Variants in TRPM3 observed in about 807,000 individuals in gnomAD.
TRPM3 encodes long transient receptor potential channel 3.
TRPM3 carries 77 observed loss-of-function variants against 181.2 expected under a neutral mutation model. The ratio of observed to expected loss-of-function variants is 0.42; its 90% confidence interval spans 0.35 to 0.51. The LOEUF (loss-of-function observed/expected upper bound fraction) is 0.51. Among genes scored for constraint, TRPM3 ranks in the 20% least tolerant of loss-of-function variants. The pLI is 0.01. For synonymous variants in TRPM3, 745 were observed against 796.4 expected, an observed-to-expected ratio of 0.94 and a Z score of 1.09; for missense variants, 1,759 against 2,196.7, an observed-to-expected ratio of 0.80 and a Z score of 3.98.
intron 9 of TRPM3, among the ~76,000 whole-genome samples, chr9:70,680,618 A>G (rs560287706): frequency 6.6e-6 from 1 of 152,358 alleles, no homozygotes; most frequent in African/African-American, 2.4e-5. Flanking sequence ...GTGACCAACC[A>G]TGACTCTACA....
At position 71,441,701 on chromosome 9, in the gene TRPM3, C is replaced by T. The variant is rs549160378; in HGVS notation, c.183+4952G>A. On this transcript the variant is annotated intron_variant, in intron 1 of 24. Coordinates refer to the TRPM3 transcript ENST00000357533. ...AAACTGGAGTGCAAAGGCATGATCT[C>T]GGCTCACTGCAACCTCTGCCTCCAG... Among the ~76,000 whole-genome samples, 4 of 148,168 alleles carry T rather than the reference C, an allele frequency of 2.7e-5. No homozygotes were observed. In the East Asian group the frequency reaches 6.0e-4, roughly 22 times the overall value.
intron 1 of TRPM3, among the ~76,000 whole-genome samples, chr9:71,368,887 A>C (rs1194564735): frequency 1.3e-5 from 2 of 152,218 alleles, no homozygotes; most frequent in African/African-American, 4.8e-5. Flanking sequence ...TATTAAGTAG[A>C]AAGGAAATGT....
intron 1 of TRPM3, among the ~76,000 whole-genome samples, chr9:71,277,815 T>A (rs767550297): frequency 6.6e-6 from 1 of 152,198 alleles, no homozygotes; most frequent in African/African-American, 2.4e-5. Flanking sequence ...GTAATCCACA[T>A]ACACATGAAA....
chr9:71,268,556 G>T (rs2132113747), intron 1 of TRPM3, among the ~76,000 whole-genome samples: 1 of 152,230 alleles, frequency 6.6e-6, no homozygotes, highest in Admixed American at 6.5e-5. Context: ...TGGGCACGGT[G>T]GCTCACGCCT....
At chr9:70,895,418 C>T (rs1238151683) in intron 1 of TRPM3, among the ~76,000 whole-genome samples, 6 of 152,254 alleles carry the variant, frequency 3.9e-5, no homozygotes, top group East Asian at 1.9e-4. Flanking sequence ...AATAAAACTA[C>T]GTAACATCTG....
intron 1 of TRPM3, among the ~76,000 whole-genome samples, chr9:71,341,460 T>C (rs1041293621): frequency 1.3e-5 from 2 of 152,108 alleles, no homozygotes; most frequent in Non-Finnish European, 2.9e-5. Context: ...TTTCCGATAA[T>C]GCACCACCTC....
chr9:70,607,188 G>C (rs1283730556), intron 19 of TRPM3, among the ~76,000 whole-genome samples: 1 of 152,180 alleles, frequency 6.6e-6, no homozygotes, highest in African/African-American at 2.4e-5. Flanking sequence ...CAGAAGTGAG[G>C]TTATATGGAA....
intron 1 of TRPM3, among the ~76,000 whole-genome samples, chr9:71,227,647 A>G (rs1419460016): frequency 6.6e-6 from 1 of 152,128 alleles, no homozygotes. Context: ...GAAATGAAAA[A>G]AAGAGACATT....
chr9:71,192,538 G>T (rs986671430), intron 1 of TRPM3, among the ~76,000 whole-genome samples: 2 of 151,786 alleles, frequency 1.3e-5, no homozygotes, highest in African/African-American at 2.4e-5. Flanking sequence ...TCACATACTT[G>T]TTGGCTATTT....
At chr9:70,632,458 T>C (rs2066043379) in intron 12 of TRPM3, among the ~76,000 whole-genome samples, 1 of 152,230 alleles carries the variant, frequency 6.6e-6, no homozygotes, top group Non-Finnish European at 1.5e-5. Flanking sequence ...ATCAGATACT[T>C]ACCTTAGTCC....
At chr9:70,914,654 C>T (rs1189890536) in intron 1 of TRPM3, among the ~76,000 whole-genome samples, 1 of 152,166 alleles carries the variant, frequency 6.6e-6, no homozygotes, top group Non-Finnish European at 1.5e-5. Context: ...AGACTCAGTG[C>T]TGAATGGGCT....
chr9:71,439,698 A>G (rs567721399), intron 1 of TRPM3, among the ~76,000 whole-genome samples: 82 of 152,304 alleles, frequency 5.4e-4, no homozygotes, highest in African/African-American at 1.9e-3. Flanking sequence ...TTTATTTCAA[A>G]AAAATATGAA....
rs1172610353 is a variant in TRPM3, at chr9:70,529,291, C to T, written c.*6662G>A. 1 of 152,084 alleles carries T rather than the reference C, an allele frequency of 6.6e-6. No individual in the cohort carries two copies. The highest frequency in any genetic ancestry group is 1.5e-5 in the Non-Finnish European group (1 of 68,018). 9.4% of individuals were successfully genotyped at this position (152,084 alleles called of 1,614,324 possible). On this transcript the variant is annotated 3_prime_UTR_variant, in exon 26 of 26. Transcript: ENST00000677713. ...ATATGCATACCGTGGTCCATCCATA[C>T]ACAAAGAAGGAAAAGATGTATATAT...
At chr9:70,835,432 C>A (rs2094250680) in intron 5 of TRPM3, among the ~76,000 whole-genome samples, 1 of 151,918 alleles carries the variant, frequency 6.6e-6, no homozygotes, top group Admixed American at 6.6e-5. Context: ...CTGGTGGATG[C>A]ATCATAGTTT....
chr9:70,744,895 A>C (rs2074867669), intron 8 of TRPM3, among the ~76,000 whole-genome samples: 1 of 152,202 alleles, frequency 6.6e-6, no homozygotes, highest in African/African-American at 2.4e-5. Flanking sequence ...CAGGATTTGC[A>C]GAAAGATGCT....
chr9:70,633,192 GGA>G (rs1163616242), intron 12 of TRPM3, among the ~76,000 whole-genome samples: 1 of 152,160 alleles, frequency 6.6e-6, no homozygotes, highest in Non-Finnish European at 1.5e-5. Context: ...TTAAGGTGAA[GGA>G]GAGAATACTC....
chr9:71,036,215 A>G (rs1201385794), intron 1 of TRPM3, among the ~76,000 whole-genome samples: 2 of 152,140 alleles, frequency 1.3e-5, no homozygotes, highest in South Asian at 2.1e-4. Flanking sequence ...GCTAAATACA[A>G]TACCTTATTC....
intron 1 of TRPM3, among the ~76,000 whole-genome samples, chr9:71,180,503 T>C (rs1404004359): frequency 1.3e-5 from 2 of 152,162 alleles, no homozygotes; most frequent in Non-Finnish European, 2.9e-5. Context: ...TTGAAAGCCA[T>C]GTGACTTGTA....
chr9:70,792,186 C>T (rs957168539), intron 6 of TRPM3, among the ~76,000 whole-genome samples: 1 of 152,096 alleles, frequency 6.6e-6, no homozygotes. Context: ...GGATGTCAGA[C>T]CTGCAGTGAG....
Sources: allele counts gnomAD v4.1 joint callset (sites outside exome capture counted in the v4.1 genomes callset), GRCh38; gene constraint gnomAD v4.1.1; transcripts MANE v1.5; gene names NCBI Gene and HGNC (gene_info 2026-07-23, HGNC 2026-07-21).